The following VHL variants were observed in gnomAD, a reference collection of about 807,000 sequenced individuals.
VHL encodes the protein von Hippel-Lindau disease tumor suppressor.
A neutral mutation model predicts 19.2 loss-of-function variants in VHL; 10 were observed. That is an observed-to-expected ratio of 0.52 (90% CI 0.32 to 0.89). VHL has a LOEUF of 0.89. Ranked by LOEUF, VHL falls within the 40% of genes least tolerant of loss-of-function variation. VHL has a pLI of 0.03. For synonymous variants in VHL, 167 were observed against 129.5 expected, an observed-to-expected ratio of 1.29 and a Z score of -1.97; for missense variants, 328 against 292.7, an observed-to-expected ratio of 1.12 and a Z score of -0.88.
chr3:10,146,401 C>A, intron 1 of VHL, 113 bp from the exon 2 acceptor site: 1 of 1,425,300 alleles, frequency 7.0e-7, no homozygotes, highest in Non-Finnish European at 9.8e-7. Context: ...GTCTTGATCT[C>A]CTGACCTCAT....
In VHL at chr3:10,148,354, G is replaced by A. The variant is rs1486563122; in HGVS notation, c.464-1433G>A. ...TTTTGAGACGGAGTCTCGCTCTGTC[G>A]CCCAGGCTGGAGTGCAGTGGCGGGA... On this transcript the variant is annotated intron_variant, in intron 2 of 2. Coordinates refer to ENST00000256474, the MANE Select transcript of VHL (RefSeq NM_000551.4). Among the ~76,000 whole-genome samples, 77 of 131,160 alleles carry A rather than the reference G, an allele frequency of 5.9e-4. 1 individual carries two copies. The highest frequency in any genetic ancestry group is 2.1e-3 in the African/African-American group (72 of 33,864). The allele number at this position is 131,160 out of a possible 152,430, so 86.0% of individuals were successfully genotyped here. A position where few individuals can be genotyped will look rare whatever the true frequency, so the allele number is the denominator to read the frequency against.
chr3:10,150,755 GAAAAT>G lies in VHL; in HGVS notation c.*792_*796del, dbSNP rs1483623444. Reference sequence around the variant, plus strand: ...ATTTTTGTAACTTGCCATCCGCACAGAAAATACGAGAAAATCTGCATGTTTGATTA... The same window carrying G: ...ATTTTTGTAACTTGCCATCCGCACAGACGAGAAAATCTGCATGTTTGATTA... On this transcript the variant is annotated 3_prime_UTR_variant, in exon 3 of 3. Coordinates refer to ENST00000256474, the MANE Select transcript of VHL (RefSeq NM_000551.4). 5 of 233,094 alleles carry G rather than the reference GAAAAT, an allele frequency of 2.1e-5. No homozygotes were observed. In the East Asian group the frequency reaches 3.0e-4, roughly 14 times the overall value. 14.4% of individuals were successfully genotyped at this position (233,094 alleles called of 1,614,324 possible).
At chr3:10,142,213 C>T (rs2125125466) in intron 1 of VHL, 26 bp downstream of exon 1, 2 of 1,591,186 alleles carry the variant, frequency 1.3e-6, no homozygotes, top group Non-Finnish European at 1.7e-6. Context: ...TTAGGCCCGA[C>T]CCAGCAGGGA....
chr3:10,149,769 TG>T lies in VHL; in HGVS notation c.464-16del. ...AGACCCTAGTCTGCCACTGAGGATT[TG>T]GTTTTTGCCCTTCCAGTGTATACTC... On this transcript the variant is annotated splice_polypyrimidine_tract_variant and intron_variant, in intron 2 of 2. Coordinates refer to ENST00000256474, the MANE Select transcript of VHL (RefSeq NM_000551.4). 6.2e-7 allele frequency: 1 copy of T among 1,612,140 alleles called. No homozygotes were observed. The highest frequency in any genetic ancestry group is 8.5e-7 in the Non-Finnish European group (1 of 1,178,660).
chr3:10,145,376 T>G (rs554489258), intron 1 of VHL, among the ~76,000 whole-genome samples: 1 of 152,222 alleles, frequency 6.6e-6, no homozygotes, highest in African/African-American at 2.4e-5. Flanking sequence ...GCTGGAGGAT[T>G]GCTTCCTGCC....
At chr3:10,147,666 G>C (rs1445233519) in intron 2 of VHL, among the ~76,000 whole-genome samples, 1 of 140,758 alleles carries the variant, frequency 7.1e-6, no homozygotes, top group Non-Finnish European at 1.6e-5. Context: ...CGTCCAGCCT[G>C]TTTTTTTTTT....
intron 2 of VHL, 73 bp from the exon 3 acceptor site, chr3:10,149,714 G>C (rs1481983269): frequency 6.7e-6 from 9 of 1,337,776 alleles, no homozygotes; most frequent in Non-Finnish European, 9.6e-6. Flanking sequence ...GGTAGTTGTT[G>C]GCAAAGCCTC....
rs587780536 is a variant in VHL, at chr3:10,141,951, C to A, written c.104C>A (p.Ala35Asp). 6 of 1,544,436 alleles carry A rather than the reference C, an allele frequency of 3.9e-6. No homozygotes were observed. The highest frequency in any genetic ancestry group is 5.2e-6 in the Non-Finnish European group (6 of 1,143,868). The change falls in exon 1 of 3, where the codon GCC (alanine) becomes GAC (aspartate). Residue 35 changes from alanine (A) to aspartate (D), a missense_variant. Transcript: ENST00000256474. The stretch of plus-strand genomic sequence containing the variant: ...GAAGACGGCGGGGAGGAGTCGGGCG[C>A]CGAGGAGTCCGGCCCGGAAGAGTCC... ...PEEDGGEESGAEESGPEESGP... is the reference protein window; with the variant it reads ...PEEDGGEESGDEESGPEESGP...
In VHL at chr3:10,151,108, G is replaced by C. The variant is rs1468242475; in HGVS notation, c.*1143G>C. Reference sequence around the variant, plus strand: ...TTGGCCAGGCTGGTTTCAAACTCCTGACCTCAGGTGATCCGCCCACCTCAG... The same window carrying C: ...TTGGCCAGGCTGGTTTCAAACTCCTCACCTCAGGTGATCCGCCCACCTCAG... On this transcript the variant is annotated 3_prime_UTR_variant, in exon 3 of 3. Transcript: ENST00000256474. 2 of 185,500 alleles carry C rather than the reference G, an allele frequency of 1.1e-5. No homozygotes were observed. Among genetic ancestry groups the C allele is most frequent in the Non-Finnish European group, 2.3e-5 (2 of 87,794 alleles). The allele number at this position is 185,500 out of a possible 1,614,324, so 11.5% of individuals were successfully genotyped here.
rs1696412120 is a variant in VHL at position 10,151,603 on chromosome 3, T to TTA, written c.*1641_*1642dup. On this transcript the variant is annotated 3_prime_UTR_variant, in exon 3 of 3. Coordinates refer to ENST00000256474, the MANE Select transcript of VHL (RefSeq NM_000551.4). ...TTGAGATTGTACTGTTCATACAGTTTTATACCCTTTTTCATTTAACTTTAT... is the reference window on the plus strand; with the variant it reads ...TTGAGATTGTACTGTTCATACAGTTTTATATACCCTTTTTCATTTAACTTTAT... 1 of 223,606 alleles carries TTA rather than the reference T, an allele frequency of 4.5e-6. No homozygotes were observed. The highest frequency in any genetic ancestry group is 8.9e-6 in the Non-Finnish European group (1 of 112,112). The allele number at this position is 223,606 out of a possible 1,614,324, so 13.9% of individuals were successfully genotyped here. A position where few individuals can be genotyped will look rare whatever the true frequency, so the allele number is the denominator to read the frequency against.
chr3:10,151,486 A>G lies in VHL; in HGVS notation c.*1521A>G, dbSNP rs1260937592. 9 of 225,574 alleles carry G rather than the reference A, an allele frequency of 4.0e-5. No homozygotes were observed. Among genetic ancestry groups the G allele is most frequent in the Admixed American group, 2.9e-4 (5 of 17,512 alleles). The allele number at this position is 225,574 out of a possible 1,614,324, so 14.0% of individuals were successfully genotyped here. ...CTAAAAAGGAAGAAAAAAGATCCCT[A>G]TTAGATACACTTCTTAAATACAATC... On this transcript the variant is annotated 3_prime_UTR_variant, in exon 3 of 3. Transcript: ENST00000256474.
intron 2 of VHL, among the ~76,000 whole-genome samples, chr3:10,148,635 G>A (rs932022110): frequency 2.7e-5 from 4 of 147,340 alleles, no homozygotes; most frequent in African/African-American, 1.0e-4. Flanking sequence ...AGTACACATT[G>A]TTTTGGTTAT....
At chr3:10,148,754 C>T (rs2125129856) in intron 2 of VHL, among the ~76,000 whole-genome samples, 1 of 149,774 alleles carries the variant, frequency 6.7e-6, no homozygotes, top group Non-Finnish European at 1.5e-5. Context: ...GATCTTGGCT[C>T]ACTGCAACCT....
chr3:10,146,510 A>T lies in VHL; in HGVS notation c.341-4A>T, dbSNP rs1559428033. ...TCTTTAACAACCTTTGCTTGTCCCGATAGGTCACCTTTGGCTCTTCAGAGA... is the reference window on the plus strand; with the variant it reads ...TCTTTAACAACCTTTGCTTGTCCCGTTAGGTCACCTTTGGCTCTTCAGAGA... On this transcript the variant is annotated splice_polypyrimidine_tract_variant and splice_region_variant and intron_variant, in intron 1 of 2. Transcript: ENST00000256474. 2 of 1,613,558 alleles carry T rather than the reference A, an allele frequency of 1.2e-6. No homozygotes were observed. The highest frequency in any genetic ancestry group is 1.7e-6 in the Non-Finnish European group (2 of 1,179,680).
intron 1 of VHL, among the ~76,000 whole-genome samples, chr3:10,143,433 G>C (rs939843759): frequency 2.0e-5 from 3 of 151,982 alleles, no homozygotes; most frequent in African/African-American, 7.3e-5. Flanking sequence ...CCAGCCCTTT[G>C]AAAGTTTTTC....
At position 10,142,002 on chromosome 3, in the gene VHL, A is replaced by G. The variant is rs2125124846; in HGVS notation, c.155A>G (p.Glu52Gly). Residue 52 changes from glutamate to glycine, a missense_variant, in exon 1 of 3, where the codon GAG becomes GGG. Glu to Gly is a moderately conservative substitution (Grantham distance 98, BLOSUM62 -2). Transcript: ENST00000256474. ...ESGPEELGAE[E>G]EMEAGRPRPV... ...GGCCCGGAGGAACTGGGCGCCGAGGAGGAGATGGAGGCCGGGCGGCCGCGG... is the reference window on the plus strand; with the variant it reads ...GGCCCGGAGGAACTGGGCGCCGAGGGGGAGATGGAGGCCGGGCGGCCGCGG... The G allele has an allele frequency of 6.3e-7, 1 of 1,583,606 alleles. No homozygotes were observed. The highest frequency in any genetic ancestry group is 8.6e-7 in the Non-Finnish European group (1 of 1,166,454).
At chr3:10,143,888 G>A (rs763425966) in intron 1 of VHL, among the ~76,000 whole-genome samples, 2 of 152,140 alleles carry the variant, frequency 1.3e-5, no homozygotes, top group Non-Finnish European at 2.9e-5. Flanking sequence ...CCCAGGTGAG[G>A]AATAACTAGG....
rs1459978488 is a variant in VHL at position 10,153,550 on chromosome 3, T to G, written c.*3585T>G. On this transcript the variant is annotated 3_prime_UTR_variant, in exon 3 of 3. Coordinates refer to ENST00000256474, the MANE Select transcript of VHL (RefSeq NM_000551.4). Reference sequence around the variant, plus strand: ...TGTTTGTTTTTCATTTCGAATCTTGTGAATGTATTAAATATATCGCTCTTA... The same window carrying G: ...TGTTTGTTTTTCATTTCGAATCTTGGGAATGTATTAAATATATCGCTCTTA... Among the ~76,000 whole-genome samples, 1 of 152,168 alleles carries G rather than the reference T, an allele frequency of 6.6e-6. No individual in the cohort carries two copies. Among genetic ancestry groups the G allele is most frequent in the Non-Finnish European group, 1.5e-5 (1 of 68,040 alleles).
Position 10,149,833 on chromosome 3 carries a change from C to T in VHL, c.510C>T (p.Val170=), listed in dbSNP as rs765224880. Residue 170 remains valine, a synonymous_variant, in exon 3 of 3, where the codon GTC becomes GTT. Coordinates refer to ENST00000256474, the MANE Select transcript of VHL (RefSeq NM_000551.4). The part of the protein sequence containing the change: ...ERCLQVVRSL[V]KPENYRRLDI... ...GCCTCCAGGTTGTCCGGAGCCTAGTCAAGCCTGAGAATTACAGGAGACTGG... is the reference window on the plus strand; with the variant it reads ...GCCTCCAGGTTGTCCGGAGCCTAGTTAAGCCTGAGAATTACAGGAGACTGG... 1 of 1,614,154 alleles carries T rather than the reference C, an allele frequency of 6.2e-7. No homozygotes were observed.
Sources: allele counts gnomAD v4.1 joint callset (sites outside exome capture counted in the v4.1 genomes callset), GRCh38; gene constraint gnomAD v4.1.1; transcripts MANE v1.5; gene names NCBI Gene and HGNC (gene_info 2026-07-23, HGNC 2026-07-21).